Variants in CA10 observed in about 807,000 individuals in gnomAD.
The protein encoded by CA10 is carbonic anhydrase-related protein 10.
Under a neutral mutation model 44.2 loss-of-function variants are expected in CA10, and 14 were observed. That is an observed-to-expected ratio of 0.32 (90% CI 0.21 to 0.50). The LOEUF is 0.50. Ranked by LOEUF, CA10 falls within the 20% of genes least tolerant of loss-of-function variation. The pLI, the probability that CA10 is intolerant of heterozygous loss-of-function variation, is 0.99. For missense variants in CA10, 350 were observed against 409.7 expected (o/e 0.85, Z 1.26); for synonymous variants, 159 against 141.6 (o/e 1.12, Z -0.87).
At chr17:51,984,478 A>G (rs1984759577) in intron 2 of CA10, among the ~76,000 whole-genome samples, 1 of 151,862 alleles carries the variant, frequency 6.6e-6, no homozygotes, top group South Asian at 2.1e-4. Flanking sequence ...CCAAACCCAA[A>G]CCCAACAGAA....
At chr17:51,783,107 C>T (rs577126778) in intron 3 of CA10, among the ~76,000 whole-genome samples, 64 of 152,180 alleles carry the variant, frequency 4.2e-4, no homozygotes, top group Non-Finnish European at 8.5e-4. Context: ...TCTAAATAGT[C>T]ATCTCTTTTC....
rs191066723 is a variant in CA10, at chr17:52,044,099, C to T, written c.136+28220G>A. Among the ~76,000 whole-genome samples, 196 of 152,178 alleles carry T rather than the reference C, an allele frequency of 1.3e-3. 1 individual carries two copies. Among genetic ancestry groups the T allele is most frequent in the African/African-American group, 4.4e-3 (182 of 41,556 alleles). Reference sequence around the variant, plus strand: ...TAGTTTGGGAGAATTCTGTCCTCTTCAACTTTATCAAAGTGTTTGACAAGG... The same window carrying T: ...TAGTTTGGGAGAATTCTGTCCTCTTTAACTTTATCAAAGTGTTTGACAAGG... On this transcript the variant is annotated intron_variant, in intron 2 of 8. Coordinates refer to ENST00000451037, the MANE Select transcript of CA10 (RefSeq NM_020178.5).
chr17:51,860,153 C>T (rs778359289), intron 3 of CA10, among the ~76,000 whole-genome samples: 1 of 152,146 alleles, frequency 6.6e-6, no homozygotes, highest in South Asian at 2.1e-4. Flanking sequence ...TCCTGGAAAC[C>T]CTTTCTCCCC....
chr17:51,900,579 G>A (rs1199442938), intron 3 of CA10, among the ~76,000 whole-genome samples: 1 of 152,136 alleles, frequency 6.6e-6, no homozygotes, highest in Non-Finnish European at 1.5e-5. Context: ...GGCCTAACAA[G>A]GTTGGAGAAA....
intron 2 of CA10, among the ~76,000 whole-genome samples, chr17:52,012,217 T>C (rs1034126978): frequency 6.6e-6 from 1 of 152,078 alleles, no homozygotes; most frequent in Non-Finnish European, 1.5e-5. Context: ...CTTTTGCTGA[T>C]TCTTTCAAAA....
chr17:51,858,356 C>T (rs1367426084), intron 3 of CA10, among the ~76,000 whole-genome samples: 1 of 152,082 alleles, frequency 6.6e-6, no homozygotes, highest in Non-Finnish European at 1.5e-5. Flanking sequence ...TTCACTGGGA[C>T]AACGAGGAAA....
rs536700433 is a variant in CA10 at position 51,714,828 on chromosome 17, G to A, written c.465+32805C>T. ...AGGAGAGAGTGGGCAGGGAGGAATT[G>A]GAAATTACGGCTCTTCCTTCACATT... On this transcript the variant is annotated intron_variant, in intron 4 of 8. Transcript: ENST00000451037. Among the ~76,000 whole-genome samples, 387 of 152,280 alleles carry A rather than the reference G, an allele frequency of 2.5e-3. 1 individual carries two copies. Among genetic ancestry groups the A allele is most frequent in the African/African-American group, 8.6e-3 (358 of 41,546 alleles).
chr17:52,010,815 T>C (rs1442242532), intron 2 of CA10, among the ~76,000 whole-genome samples: 4 of 71,496 alleles, frequency 5.6e-5, no homozygotes, highest in African/African-American at 1.3e-4. Context: ...GCTGTTTCAG[T>C]TAGACTCAGA....
chr17:51,679,463 G>A (rs182351938), intron 4 of CA10, among the ~76,000 whole-genome samples: 23 of 151,756 alleles, frequency 1.5e-4, no homozygotes, highest in East Asian at 5.8e-4. Flanking sequence ...GGGTTTCACC[G>A]TGTTAGCCAG....
At chr17:52,112,429 G>C (rs1301925152) in intron 1 of CA10, among the ~76,000 whole-genome samples, 1 of 152,160 alleles carries the variant, frequency 6.6e-6, no homozygotes, top group African/African-American at 2.4e-5. Flanking sequence ...GCTTCTTTTA[G>C]GATAACAACA....
intron 4 of CA10, among the ~76,000 whole-genome samples, chr17:51,688,227 C>T (rs549818794): frequency 6.6e-6 from 1 of 152,298 alleles, no homozygotes; most frequent in South Asian, 2.1e-4. Flanking sequence ...ATGACTTCTG[C>T]CTTGGGTGAC....
rs147156099 is a variant in CA10 at position 51,731,563 on chromosome 17, T to C, written c.465+16070A>G. The stretch of plus-strand genomic sequence containing the variant: ...CCTTGTTTTAACTATTCTGTCCCTA[T>C]GTTAGACCACATACCTAAAGTCCGC... On this transcript the variant is annotated intron_variant, in intron 4 of 8. Transcript: ENST00000451037. Among the ~76,000 whole-genome samples the C allele has an allele frequency of 5.8e-3, 875 of 150,342 alleles. 5 individuals carry two copies. The highest frequency in any genetic ancestry group is 0.02 in the African/African-American group (828 of 40,808).
At chr17:52,116,234 G>A (rs1367043868) in intron 1 of CA10, among the ~76,000 whole-genome samples, 1 of 152,050 alleles carries the variant, frequency 6.6e-6, no homozygotes, top group East Asian at 1.9e-4. Flanking sequence ...GTTAACTTTT[G>A]TGTGAGAGAT....
intron 3 of CA10, among the ~76,000 whole-genome samples, chr17:51,840,528 T>C (rs1384811366): frequency 6.6e-6 from 1 of 151,516 alleles, no homozygotes; most frequent in Non-Finnish European, 1.5e-5. Context: ...TACTATAGTT[T>C]CTTATATCTA....
intron 3 of CA10, among the ~76,000 whole-genome samples, chr17:51,850,087 A>AGGG (rs997961235): frequency 3.9e-5 from 6 of 152,220 alleles, no homozygotes; most frequent in Non-Finnish European, 8.8e-5. Flanking sequence ...TGTGTCATGA[A>AGGG]AACAAAAGTT....
chr17:51,811,971 C>G (rs1907383750), intron 3 of CA10, among the ~76,000 whole-genome samples: 1 of 152,142 alleles, frequency 6.6e-6, no homozygotes, highest in Non-Finnish European at 1.5e-5. Context: ...CTGTAAGTCC[C>G]TCCTAGCACC....
intron 2 of CA10, among the ~76,000 whole-genome samples, chr17:51,973,289 C>T (rs182645109): frequency 5.9e-5 from 9 of 152,244 alleles, no homozygotes; most frequent in Admixed American, 3.9e-4. Context: ...TGGAGTGGAG[C>T]CCATGCAAGG....
intron 4 of CA10, among the ~76,000 whole-genome samples, chr17:51,712,862 A>C (rs1012791211): frequency 3.3e-5 from 5 of 152,228 alleles, no homozygotes; most frequent in African/African-American, 9.7e-5. Flanking sequence ...AAAACAAAGT[A>C]ACATTGCCTA....
chr17:51,767,985 G>A (rs1905453387), intron 3 of CA10, among the ~76,000 whole-genome samples: 1 of 151,986 alleles, frequency 6.6e-6, no homozygotes, highest in African/African-American at 2.4e-5. Context: ...GACTTTATTT[G>A]GATCTTACCA....
Sources: gnomAD v4.1 joint callset for allele counts (sites outside exome capture counted in the v4.1 genomes callset) on GRCh38, gnomAD v4.1.1 for gene constraint, MANE v1.5 for transcripts, NCBI Gene and HGNC (gene_info 2026-07-23, HGNC 2026-07-21) for gene names.